FER: variants seen among roughly 807,000 people sequenced by gnomAD.
FER encodes the protein FER tyrosine kinase.
FER carries 63 observed loss-of-function variants against 111.0 expected under a neutral mutation model. That is an observed-to-expected ratio of 0.57 (90% confidence interval 0.46 to 0.70). FER has a LOEUF of 0.70. Among genes scored for constraint, FER ranks in the 30% least tolerant of loss-of-function variants. The pLI, the probability that FER is intolerant of heterozygous loss-of-function variation, is 0.00. For synonymous variants in FER, 327 were observed against 313.9 expected (o/e 1.04, Z -0.44); for missense variants, 914 against 954.0 (o/e 0.96, Z 0.55).
At chr5:108,878,340 A>G (rs1172471321) in intron 8 of FER, among the ~76,000 whole-genome samples, 1 of 152,146 alleles carries the variant, frequency 6.6e-6, no homozygotes, top group Non-Finnish European at 1.5e-5. Flanking sequence ...TTCGTCGACC[A>G]CCATCACTAC....
At position 108,832,904 on chromosome 5, in the gene FER, C is replaced by A; in HGVS notation, c.342C>A (p.Tyr114Ter). ...IKDKQQVKKS[Y>*]IGVHQQIEAE... ...ACAAGCAGCAGGTGAAGAAAAGTTA[C>A]ATAGGTGTTCATCAGCAGATAGAGG... The change falls in exon 4 of 20, where the codon TAC becomes TAA. Residue 114 changes from tyrosine to a stop codon, truncating the protein, a stop_gained. Transcript: ENST00000281092. LOFTEE classifies it high-confidence loss of function. 1 of 1,603,424 alleles carries A rather than the reference C, an allele frequency of 6.2e-7. No individual in the cohort carries two copies. The highest frequency in any genetic ancestry group is 8.5e-7 in the Non-Finnish European group (1 of 1,174,444).
chr5:109,178,138 C>T (rs1394804214), intron 17 of FER, among the ~76,000 whole-genome samples: 1 of 152,168 alleles, frequency 6.6e-6, no homozygotes, highest in Non-Finnish European at 1.5e-5. Context: ...TCCTTTAATA[C>T]TTATTAGAAT....
chr5:109,109,807 C>T (rs1384819822), intron 17 of FER, among the ~76,000 whole-genome samples: 2 of 152,124 alleles, frequency 1.3e-5, no homozygotes, highest in Non-Finnish European at 2.9e-5. Context: ...CCATGGTCCC[C>T]AGAGTTTCTA....
chr5:108,828,535 G>A (rs1221732394), intron 3 of FER, among the ~76,000 whole-genome samples: 2 of 152,006 alleles, frequency 1.3e-5, no homozygotes, highest in Non-Finnish European at 2.9e-5. Flanking sequence ...TTTCAATAAT[G>A]ATGATATTTA....
intron 2 of FER, among the ~76,000 whole-genome samples, chr5:108,771,284 G>C (rs1180946881): frequency 6.6e-6 from 1 of 152,112 alleles, no homozygotes; most frequent in Non-Finnish European, 1.5e-5. Flanking sequence ...TGTGTGTGCT[G>C]TCTATAAAAG....
intron 13 of FER, among the ~76,000 whole-genome samples, chr5:109,031,593 G>A (rs181293592): frequency 1.4e-4 from 22 of 152,218 alleles, no homozygotes; most frequent in Non-Finnish European, 1.5e-5. Context: ...CCATGGCCTG[G>A]TTAGAAAGTA....
chr5:108,802,263 T>C (rs947370097), intron 3 of FER, among the ~76,000 whole-genome samples: 2 of 152,168 alleles, frequency 1.3e-5, no homozygotes, highest in East Asian at 1.9e-4. Flanking sequence ...TGGAATTACA[T>C]TGAATGTATA....
At chr5:108,979,993 A>G (rs1197468921) in intron 13 of FER, among the ~76,000 whole-genome samples, 3 of 152,160 alleles carry the variant, frequency 2.0e-5, no homozygotes, top group Non-Finnish European at 2.9e-5. Flanking sequence ...CCAGGTAATT[A>G]TCATTAAAGT....
chr5:109,011,108 A>G (rs529699096), intron 13 of FER, among the ~76,000 whole-genome samples: 2 of 152,088 alleles, frequency 1.3e-5, no homozygotes, highest in Non-Finnish European at 2.9e-5. Flanking sequence ...CATTTTAAGC[A>G]TGTTTTTTAA....
intron 17 of FER, among the ~76,000 whole-genome samples, chr5:109,116,424 G>A (rs201640760): frequency 4.8e-5 from 5 of 103,206 alleles, no homozygotes; most frequent in African/African-American, 8.1e-5. Flanking sequence ...TATTCCCCCC[G>A]CCAAAAAAAA....
intron 2 of FER, among the ~76,000 whole-genome samples, chr5:108,788,680 C>A (rs1412094374): frequency 6.6e-6 from 1 of 152,074 alleles, no homozygotes; most frequent in Admixed American, 6.6e-5. Context: ...TGACTCTCTG[C>A]TTTTCTGTCA....
intron 16 of FER, among the ~76,000 whole-genome samples, chr5:109,076,644 C>T (rs1265248405): frequency 6.6e-6 from 1 of 151,952 alleles, no homozygotes; most frequent in East Asian, 1.9e-4. Context: ...CGCTTTGTTG[C>T]CCAAGCTGGT....
rs763644304 is a variant in FER at position 108,872,095 on chromosome 5, C to T, written c.806C>T (p.Thr269Ile). Reference protein sequence around the residue: ...EYNNFIDVHRTTAAKEQEIEF... With the variant: ...EYNNFIDVHRITAAKEQEIEF... The stretch of plus-strand genomic sequence containing the variant: ...AATTATTTGCCATGCTTTACTAGAA[C>T]AACGGCTGCTAAAGAACAAGAAATA... The change falls in exon 8 of 20, where the codon ACA (threonine) becomes ATA (isoleucine). Residue 269 changes from threonine (T) to isoleucine (I), a missense_variant and splice_region_variant. Thr to Ile is a moderately conservative substitution (Grantham distance 89, BLOSUM62 -1). This residue lies in a region of FER where 774 missense variants were observed against 782.6 expected (regional missense o/e 0.99). Coordinates refer to ENST00000281092, the MANE Select transcript of FER (RefSeq NM_005246.4). The T allele has an allele frequency of 6.2e-7, 1 of 1,609,586 alleles. No homozygotes were observed. The highest frequency in any genetic ancestry group is 8.5e-7 in the Non-Finnish European group (1 of 1,178,076).
chr5:108,758,679 T>C (rs1203733792), intron 1 of FER, among the ~76,000 whole-genome samples: 3 of 152,166 alleles, frequency 2.0e-5, no homozygotes, highest in African/African-American at 4.8e-5. Flanking sequence ...ACAGGGATGA[T>C]ATATGATGAT....
chr5:108,748,778 G>A (rs992406147), intron 1 of FER: 26 of 152,712 alleles, frequency 1.7e-4, no homozygotes, highest in African/African-American at 6.0e-4. Flanking sequence ...CCCGCCTCCT[G>A]GGAGGTAGTG....
At position 109,196,832 on chromosome 5, in the gene FER, T is replaced by C. The variant is rs747941511; in HGVS notation, c.*9257T>C. ...TATTCCTATAATAAATGTAAAATAT[T>C]TGTAGCAAACTGTGCCTTGTCTTAT... On this transcript the variant is annotated 3_prime_UTR_variant, in exon 20 of 20. Coordinates refer to ENST00000281092, the MANE Select transcript of FER (RefSeq NM_005246.4). The C allele has an allele frequency of 9.2e-5, 14 of 152,118 alleles. No homozygotes were observed. The highest frequency in any genetic ancestry group is 1.8e-4 in the Non-Finnish European group (12 of 68,026). 9.4% of individuals were successfully genotyped at this position (152,118 alleles called of 1,614,324 possible).
intron 9 of FER, among the ~76,000 whole-genome samples, chr5:108,888,154 G>C (rs1747454060): frequency 6.6e-6 from 1 of 151,786 alleles, no homozygotes. Flanking sequence ...TAATAATCTA[G>C]AATAGTGTTC....
chr5:108,861,715 C>A (rs763465980), intron 5 of FER, among the ~76,000 whole-genome samples: 1 of 152,064 alleles, frequency 6.6e-6, no homozygotes, highest in Non-Finnish European at 1.5e-5. Context: ...TATTAGTGAT[C>A]TAAGATATTT....
chr5:108,837,966 T>TAA lies in FER; in HGVS notation c.481+2159_481+2160insAA, dbSNP rs1412113208. On this transcript the variant is annotated intron_variant, in intron 5 of 19. Transcript: ENST00000281092. Reference sequence around the variant, plus strand: ...TTTCTGTTTTCAAGAATTTGATTTCTCACATTAAATCCTACAGAATATATA... The same window carrying TAA: ...TTTCTGTTTTCAAGAATTTGATTTCTAACACATTAAATCCTACAGAATATATA... 5.6e-4 allele frequency among the ~76,000 whole-genome samples: 86 copies of TAA among 152,308 alleles called. No individual in the cohort carries two copies. The East Asian group carries it at 0.016, about 28-fold the overall frequency.
Sources: allele counts gnomAD v4.1 joint callset (sites outside exome capture counted in the v4.1 genomes callset), GRCh38; gene constraint gnomAD v4.1.1; regional missense constraint gnomAD v4.1.1; transcripts MANE v1.5; gene names NCBI Gene and HGNC (gene_info 2026-07-23, HGNC 2026-07-21).